BNC2: variants seen among roughly 807,000 people sequenced by gnomAD.
BNC2 encodes the protein basonuclin zinc finger protein 2, also known as zinc finger protein basonuclin-2.
In BNC2, 20 loss-of-function variants were observed where a neutral mutation model predicts 76.3. That is an observed-to-expected ratio of 0.26 (90% CI 0.18 to 0.38). The LOEUF (loss-of-function observed/expected upper bound fraction) is 0.38. Among genes scored for constraint, BNC2 ranks in the 10% least tolerant of loss-of-function variants. The probability of loss-of-function intolerance (pLI) is 1.00; values close to 1 mark genes in which losing one functional copy is unlikely to be tolerated. For missense variants in BNC2, 1,382 were observed against 1,399.8 expected, an observed-to-expected ratio of 0.99 and a Z score of 0.20; for synonymous variants, 582 against 514.8, an observed-to-expected ratio of 1.13 and a Z score of -1.77.
At chr9:16,422,206 T>C (rs1188613456) in intron 6 of BNC2, among the ~76,000 whole-genome samples, 1 of 152,248 alleles carries the variant, frequency 6.6e-6, no homozygotes, top group Non-Finnish European at 1.5e-5. Flanking sequence ...AATTAGACGA[T>C]GTACCAGCCC....
At chr9:16,502,572 T>C (rs1378066701) in intron 5 of BNC2, among the ~76,000 whole-genome samples, 3 of 152,116 alleles carry the variant, frequency 2.0e-5, no homozygotes, top group African/African-American at 7.2e-5. Context: ...TTACTTCTTC[T>C]TGGGGTGAAT....
At chr9:16,773,277 G>T (rs1309824201) in intron 1 of BNC2, among the ~76,000 whole-genome samples, 1 of 152,076 alleles carries the variant, frequency 6.6e-6, no homozygotes, top group Non-Finnish European at 1.5e-5. Context: ...TCATATGAAG[G>T]CTTATGACTT....
chr9:16,760,596 C>T (rs1051648563), intron 1 of BNC2, among the ~76,000 whole-genome samples: 1 of 152,138 alleles, frequency 6.6e-6, no homozygotes, highest in Admixed American at 6.5e-5. Context: ...CCCCAGTAAT[C>T]TGCGTTAAGT....
chr9:16,781,646 A>T (rs1826157628), intron 1 of BNC2, among the ~76,000 whole-genome samples: 1 of 152,258 alleles, frequency 6.6e-6, no homozygotes. Context: ...AAATGTTTCA[A>T]TATAAACACA....
intron 4 of BNC2, among the ~76,000 whole-genome samples, chr9:16,560,357 CT>C (rs2132664679): frequency 6.6e-6 from 1 of 152,218 alleles, no homozygotes; most frequent in Admixed American, 6.5e-5. Context: ...AGGCAAAGAC[CT>C]GTGGAAAGCT....
At chr9:16,642,126 T>C (rs1307507654) in intron 3 of BNC2, among the ~76,000 whole-genome samples, 1 of 152,198 alleles carries the variant, frequency 6.6e-6, no homozygotes, top group Non-Finnish European at 1.5e-5. Context: ...ACTAGAAAAT[T>C]ACCTTGCCAA....
At chr9:16,523,786 C>T (rs1255079150) in intron 5 of BNC2, among the ~76,000 whole-genome samples, 1 of 151,838 alleles carries the variant, frequency 6.6e-6, no homozygotes, top group African/African-American at 2.4e-5. Context: ...ATTAGCCAGG[C>T]ATGGTGGCAG....
intron 4 of BNC2, among the ~76,000 whole-genome samples, chr9:16,575,829 A>T (rs937247307): frequency 4.6e-5 from 7 of 152,236 alleles, no homozygotes. Context: ...CAAAACTAGG[A>T]GGCAGCTAAA....
chr9:16,762,023 T>C (rs1453204458), intron 1 of BNC2, among the ~76,000 whole-genome samples: 1 of 152,110 alleles, frequency 6.6e-6, no homozygotes, highest in Non-Finnish European at 1.5e-5. Context: ...GAAGAACCAA[T>C]AGAGTCACCA....
Position 16,738,397 on chromosome 9 carries a change from T to C in BNC2, c.92A>G (p.Lys31Arg). 6.2e-7 allele frequency: 1 copy of C among 1,614,116 alleles called. No homozygotes were observed. The highest frequency in any genetic ancestry group is 8.5e-7 in the Non-Finnish European group (1 of 1,179,988). The change falls in exon 2 of 7, where the codon AAG (lysine) becomes AGG (arginine). Residue 31 changes from lysine (K) to arginine (R), a missense_variant. Physicochemically the swap from Lys to Arg is conservative, Grantham distance 26. This residue lies in a region of BNC2 where 557 missense variants were observed against 540.9 expected (regional missense o/e 1.03). Coordinates refer to ENST00000380672, the MANE Select transcript of BNC2 (RefSeq NM_017637.6). ...LSEQDWPAYF[K>R]VPCCGVDTSQ... ...TGTATCAACCCCACAACATGGGACC[T>C]TGAAATATGCTGGCCAGTCTTGCTC...
intron 5 of BNC2, among the ~76,000 whole-genome samples, chr9:16,493,599 C>CTGTGCTA (rs1294283571): frequency 6.6e-6 from 1 of 152,196 alleles, no homozygotes; most frequent in Non-Finnish European, 1.5e-5. Flanking sequence ...CATGCCTATA[C>CTGTGCTA]TGTGCTATGT....
chr9:16,516,277 G>A (rs907101323), intron 5 of BNC2, among the ~76,000 whole-genome samples: 3 of 151,796 alleles, frequency 2.0e-5, no homozygotes, highest in East Asian at 1.9e-4. Context: ...GGCTGGTGTA[G>A]ATAACGTTCT....
chr9:16,496,885 G>C (rs1822402404), intron 5 of BNC2, among the ~76,000 whole-genome samples: 1 of 152,212 alleles, frequency 6.6e-6, no homozygotes, highest in Non-Finnish European at 1.5e-5. Flanking sequence ...GATCTGGAAG[G>C]TGTTTGCTTC....
At chr9:16,745,427 G>A (rs556472683) in intron 1 of BNC2, among the ~76,000 whole-genome samples, 15 of 152,290 alleles carry the variant, frequency 9.8e-5, no homozygotes, top group African/African-American at 3.1e-4. Flanking sequence ...AAGGTGAGGC[G>A]TTAAAGAATT....
Position 16,436,071 on chromosome 9 carries a change from G to A in BNC2, c.2123C>T (p.Ala708Val). 1 of 1,614,108 alleles carries A rather than the reference G, an allele frequency of 6.2e-7. No individual in the cohort carries two copies. The highest frequency in any genetic ancestry group is 8.5e-7 in the Non-Finnish European group (1 of 1,180,038). ...TTGGTCTTCAGAAGTCATGCTGTCG[G>A]CCCTCCTTATTTCAGTCCTTGAAAT... ...RCISRTEIRRADSMTSEDQEP... is the reference protein window; with the variant it reads ...RCISRTEIRRVDSMTSEDQEP... Residue 708 changes from alanine (A) to valine (V), a missense_variant, in exon 6 of 7, where the codon GCC (alanine) becomes GTC (valine). Physicochemically the swap from Ala to Val is moderately conservative, Grantham distance 64 (BLOSUM62 0). Coordinates refer to ENST00000380672, the MANE Select transcript of BNC2 (RefSeq NM_017637.6).
intron 5 of BNC2, among the ~76,000 whole-genome samples, chr9:16,515,790 T>G (rs1283545947): frequency 6.6e-6 from 1 of 150,630 alleles, no homozygotes; most frequent in East Asian, 2.0e-4. Context: ...CATAACCATA[T>G]GACTTTCAAT....
chr9:16,591,689 T>C (rs1819934388), intron 3 of BNC2, among the ~76,000 whole-genome samples: 1 of 152,152 alleles, frequency 6.6e-6, no homozygotes. Context: ...ACTCCTAATG[T>C]AATAGTAACA....
At chr9:16,567,676 T>C (rs952774131) in intron 4 of BNC2, among the ~76,000 whole-genome samples, 2 of 152,160 alleles carry the variant, frequency 1.3e-5, no homozygotes, top group Non-Finnish European at 2.9e-5. Context: ...CTCTCAGTGA[T>C]AGTTTATAGT....
chr9:16,743,307 T>A (rs1220372041), intron 1 of BNC2, among the ~76,000 whole-genome samples: 2 of 152,138 alleles, frequency 1.3e-5, no homozygotes, highest in Non-Finnish European at 2.9e-5. Context: ...GGAGACTTTT[T>A]ACTTTTTTTT....
Sources: gnomAD v4.1 joint callset for allele counts (sites outside exome capture counted in the v4.1 genomes callset) on GRCh38, gnomAD v4.1.1 for gene constraint, gnomAD v4.1.1 regional missense constraint, MANE v1.5 for transcripts, NCBI Gene and HGNC (gene_info 2026-07-23, HGNC 2026-07-21) for gene names.